Variants in RCC2 observed in about 807,000 individuals in gnomAD.
RCC2 encodes protein RCC2.
RCC2 carries 19 observed loss-of-function variants against 64.1 expected under a neutral mutation model. That is an observed-to-expected ratio of 0.30 (90% CI 0.21 to 0.44). The LOEUF (loss-of-function observed/expected upper bound fraction) is 0.44, where lower values mean the gene tolerates loss of function less well. RCC2 is among the 20% of genes least tolerant of loss of function. The pLI, the probability that RCC2 is intolerant of heterozygous loss-of-function variation, is 1.00. For missense variants in RCC2, 508 were observed against 710.4 expected, an observed-to-expected ratio of 0.72 and a Z score of 3.24; for synonymous variants, 325 against 279.6, an observed-to-expected ratio of 1.16 and a Z score of -1.62.
chr1:17,411,505 C>A (rs947230646), intron 11 of RCC2, among the ~76,000 whole-genome samples: 1 of 151,598 alleles, frequency 6.6e-6, no homozygotes, highest in African/African-American at 2.4e-5. Context: ...ATCATTTGAA[C>A]CTGGGAGACA....
chr1:17,409,459 G>A (rs1048377391), intron 12 of RCC2, among the ~76,000 whole-genome samples: 1 of 152,222 alleles, frequency 6.6e-6, no homozygotes, highest in African/African-American at 2.4e-5. Flanking sequence ...GCAGGGACAG[G>A]TGGGGACATG....
At chr1:17,419,394 C>A (rs572659451) in intron 7 of RCC2, among the ~76,000 whole-genome samples, 5 of 152,228 alleles carry the variant, frequency 3.3e-5, no homozygotes, top group Non-Finnish European at 5.9e-5. Context: ...GTTCAGTGCA[C>A]TGCAAAAAAG....
Position 17,408,382 on chromosome 1 carries a change from C to A in RCC2, c.*708G>T, listed in dbSNP as rs898170352. 2 of 152,258 alleles carry A rather than the reference C, an allele frequency of 1.3e-5. No individual in the cohort carries two copies. The highest frequency in any genetic ancestry group is 4.8e-5 in the African/African-American group (2 of 41,442). The allele number at this position is 152,258 out of a possible 1,614,324, so 9.4% of individuals were successfully genotyped here. On this transcript the variant is annotated 3_prime_UTR_variant, in exon 13 of 13. Transcript: ENST00000375436. ...CCAAGTCCCCATGGTTCCACAATCACCTGATTTTCATTTGGACCTCTTTAA... is the reference window on the plus strand; with the variant it reads ...CCAAGTCCCCATGGTTCCACAATCAACTGATTTTCATTTGGACCTCTTTAA...
Position 17,425,604 on chromosome 1 carries a change from C to A in RCC2, c.460G>T (p.Val154Phe). 6.2e-7 allele frequency: 1 copy of A among 1,614,110 alleles called. No individual in the cohort carries two copies. Among genetic ancestry groups the A allele is most frequent in the South Asian group, 1.1e-5 (1 of 91,078 alleles). ...CLAGVRVRTV[V>F]SGSCAAHSLL... ...CTGTGTGCAGCACACGAGCCCGAGA[C>A]CACTGTCCGCACCCGGACCCCCGCC... Residue 154 changes from valine (V) to phenylalanine (F), a missense_variant, in exon 4 of 13, where the codon GTC becomes TTC. Val to Phe is a conservative substitution (Grantham distance 50). Transcript: ENST00000375436.
chr1:17,431,359 A>AAAAAAATAT (rs1553158471), intron 2 of RCC2, among the ~76,000 whole-genome samples: 3 of 44,938 alleles, frequency 6.7e-5, no homozygotes, highest in Non-Finnish European at 1.1e-4. Context: ...AAAAAAAAAA[A>AAAAAAATAT]ATATATATAT....
intron 9 of RCC2, 42 bp downstream of exon 9, chr1:17,413,495 C>T (rs758532300): frequency 3.8e-6 from 6 of 1,596,652 alleles, no homozygotes; most frequent in African/African-American, 2.7e-5. Context: ...TACACGGTTC[C>T]GCACCAGAGC....
At chr1:17,413,310 C>T (rs922705986) in intron 9 of RCC2, 132 bp from the exon 10 acceptor site, 29 of 842,288 alleles carry the variant, frequency 3.4e-5, no homozygotes, top group Non-Finnish European at 5.1e-5. Flanking sequence ...TGGAGCCAGG[C>T]GTGGTGGCGT....
At chr1:17,436,883 A>C (rs942620481) in intron 2 of RCC2, among the ~76,000 whole-genome samples, 1 of 152,204 alleles carries the variant, frequency 6.6e-6, no homozygotes, top group African/African-American at 2.4e-5. Flanking sequence ...CGTCAAAGGA[A>C]AACAGTTCCT....
chr1:17,427,330 G>C (rs2075627378), intron 3 of RCC2, among the ~76,000 whole-genome samples: 1 of 152,148 alleles, frequency 6.6e-6, no homozygotes, highest in African/African-American at 2.4e-5. Context: ...CCGCAGGCGG[G>C]CAGGGGCCAG....
intron 1 of RCC2, among the ~76,000 whole-genome samples, chr1:17,438,737 G>A (rs879623168): frequency 5.3e-5 from 8 of 152,024 alleles, no homozygotes; most frequent in Middle Eastern, 3.2e-3. Context: ...CAGGGCAGCC[G>A]GGAGCCCCAG....
chr1:17,426,655 G>A (rs948780617), intron 3 of RCC2, among the ~76,000 whole-genome samples: 1 of 152,056 alleles, frequency 6.6e-6, no homozygotes, highest in African/African-American at 2.4e-5. Flanking sequence ...ACAAATGCCT[G>A]GCACGCAGCG....
At chr1:17,415,280 G>A (rs1485826216) in intron 8 of RCC2, among the ~76,000 whole-genome samples, 2 of 152,212 alleles carry the variant, frequency 1.3e-5, no homozygotes, top group Non-Finnish European at 2.9e-5. Flanking sequence ...GGAAGGAGGT[G>A]GTGAGCTGAG....
intron 2 of RCC2, among the ~76,000 whole-genome samples, chr1:17,435,639 A>G (rs745668634): frequency 1.7e-4 from 26 of 152,240 alleles, no homozygotes; most frequent in Non-Finnish European, 3.2e-4. Flanking sequence ...GACCAAACTC[A>G]GTAGATGCTA....
At chr1:17,431,359 A>AAATATATATAT (rs1553158471) in intron 2 of RCC2, among the ~76,000 whole-genome samples, 3 of 44,932 alleles carry the variant, frequency 6.7e-5, no homozygotes, top group African/African-American at 3.2e-4. Flanking sequence ...AAAAAAAAAA[A>AAATATATATAT]ATATATATAT....
In RCC2 at chr1:17,413,026, C is replaced by G. The variant is rs767311330; in HGVS notation, c.1313+47G>C. On this transcript the variant is annotated intron_variant, in intron 10 of 12. Transcript: ENST00000375436. Reference sequence around the variant, plus strand: ...CACCCCATGGGTGTGTCTGACACCCCCATGAAAGGAAGAGACCTCATACCC... The same window carrying G: ...CACCCCATGGGTGTGTCTGACACCCGCATGAAAGGAAGAGACCTCATACCC... The G allele has an allele frequency of 7.1e-6, 10 of 1,405,182 alleles. No homozygotes were observed. The Admixed American group carries it at 1.7e-4, about 24-fold the overall frequency. The allele number at this position is 1,405,182 out of a possible 1,614,324, so 87.0% of individuals were successfully genotyped here.
chr1:17,438,284 CT>C lies in RCC2; in HGVS notation c.230del (p.Lys77ArgfsTer31). On this transcript the variant is annotated frameshift_variant, in exon 2 of 13. Transcript: ENST00000375436. LOFTEE classifies it high-confidence loss of function. ...TGATGACCACGGCCGCGCCGCCCGC[CT>C]TGCCTGCTGTCGCCGGCCGCGCCGC... Reference protein sequence around the residue: ...KRAARPATAGKAGGAAVVITE... With the variant: ...KRAARPATAGXAGGAAVVITE... 2 of 1,299,858 alleles carry C rather than the reference CT, an allele frequency of 1.5e-6. No individual in the cohort carries two copies. Among genetic ancestry groups the C allele is most frequent in the South Asian group, 1.8e-5 (1 of 54,322 alleles). 80.5% of individuals were successfully genotyped at this position (1,299,858 alleles called of 1,614,324 possible). A position where few individuals can be genotyped will look rare whatever the true frequency, so the allele number is the denominator to read the frequency against.
At position 17,413,600 on chromosome 1, in the gene RCC2, G is replaced by A. The variant is rs752951593; in HGVS notation, c.1144C>T (p.Pro382Ser). Residue 382 changes from proline (P) to serine (S), a missense_variant, in exon 9 of 13, where the codon CCT becomes TCT. Physicochemically the swap from Pro to Ser is moderately conservative, Grantham distance 74. Transcript: ENST00000375436. ...TAGATCTGGGAAGCCCCACGCCCAG[G>A]GAAGTCAAACAGCTTCACCAGGCGG... ...VPRLVKLFDF[P>S]GRGASQIYAG... 3 of 1,614,060 alleles carry A rather than the reference G, an allele frequency of 1.9e-6. No individual in the cohort carries two copies. The highest frequency in any genetic ancestry group is 1.6e-4 in the Middle Eastern group (1 of 6,078).
At chr1:17,410,897 G>A (rs947815741) in intron 11 of RCC2, among the ~76,000 whole-genome samples, 3 of 152,254 alleles carry the variant, frequency 2.0e-5, no homozygotes, top group Non-Finnish European at 4.4e-5. Context: ...ATAGGCCCCA[G>A]AAAACATCCT....
At chr1:17,426,233 A>AG (rs1179650869) in intron 3 of RCC2, among the ~76,000 whole-genome samples, 4 of 151,690 alleles carry the variant, frequency 2.6e-5, no homozygotes, top group African/African-American at 4.8e-5. Flanking sequence ...GCTCTTTCTG[A>AG]GGGGTGACCC....
Sources: gnomAD v4.1 joint callset for allele counts (sites outside exome capture counted in the v4.1 genomes callset) on GRCh38, gnomAD v4.1.1 for gene constraint, MANE v1.5 for transcripts, NCBI Gene and HGNC (gene_info 2026-07-23, HGNC 2026-07-21) for gene names.